Variants in ELAVL1 observed in about 807,000 individuals in gnomAD.
The protein encoded by ELAVL1 is ELAV-like protein 1.
In ELAVL1, 1 loss-of-function variant was observed where a neutral mutation model predicts 28.4. That is an observed-to-expected ratio of 0.04 (90% confidence interval 0.01 to 0.17). The LOEUF is 0.17. Ranked by LOEUF, ELAVL1 falls within the 10% of genes least tolerant of loss-of-function variation. ELAVL1 has a pLI of 1.00. For missense variants in ELAVL1, 157 were observed against 447.2 expected (o/e 0.35, Z 5.85); for synonymous variants, 174 against 183.5 (o/e 0.95, Z 0.42).
intron 2 of ELAVL1, among the ~76,000 whole-genome samples, chr19:7,983,141 C>T (rs1274369412): frequency 6.6e-6 from 1 of 152,168 alleles, no homozygotes; most frequent in Non-Finnish European, 1.5e-5. Flanking sequence ...CGCTCTCTTT[C>T]CTAAAGAACA....
rs1984740969 is a variant in ELAVL1, at chr19:7,959,319, C to T, written c.*4164G>A. The stretch of plus-strand genomic sequence containing the variant: ...TAAAACAAATCAATAACTTAAAACA[C>T]ACTAATATACAAAAGGTCTAACCAT... On this transcript the variant is annotated 3_prime_UTR_variant, in exon 6 of 6. Transcript: ENST00000407627. 6.6e-6 allele frequency: 1 copy of T among 152,486 alleles called. No individual in the cohort carries two copies. The highest frequency in any genetic ancestry group is 1.5e-5 in the Non-Finnish European group (1 of 68,022). The allele number at this position is 152,486 out of a possible 1,614,324, so 9.4% of individuals were successfully genotyped here. A position where few individuals can be genotyped will look rare whatever the true frequency, so the allele number is the denominator to read the frequency against.
intron 4 of ELAVL1, among the ~76,000 whole-genome samples, chr19:7,968,408 G>A (rs1384805806): frequency 1.3e-5 from 2 of 152,234 alleles, no homozygotes; most frequent in Non-Finnish European, 2.9e-5. Flanking sequence ...CCTCACTCCT[G>A]TCTTGGGATA....
chr19:7,989,226 G>A (rs574089954), intron 2 of ELAVL1, among the ~76,000 whole-genome samples: 254 of 152,274 alleles, frequency 1.7e-3, no homozygotes, highest in African/African-American at 5.6e-3. Flanking sequence ...CCACACTGGC[G>A]GCAGGCTGAG....
intron 1 of ELAVL1, among the ~76,000 whole-genome samples, chr19:7,997,843 C>T (rs973746684): frequency 7.2e-5 from 11 of 151,868 alleles, no homozygotes; most frequent in African/African-American, 2.4e-4. Flanking sequence ...CCCAGCTAAT[C>T]GGGGGGCTCA....
intron 1 of ELAVL1, among the ~76,000 whole-genome samples, chr19:7,993,141 T>C (rs1018048471): frequency 7.2e-5 from 11 of 152,172 alleles, no homozygotes; most frequent in African/African-American, 2.7e-4. Context: ...TTCTCCACAA[T>C]TTTTCTGTAA....
Position 7,979,734 on chromosome 19 carries a change from C to T in ELAVL1, c.276+1349G>A, listed in dbSNP as rs1985401721. ...AGGAGGCAGGAGTGGCGCGCCTGCC[C>T]TCAGGGAGCCCACTGCACACCACGT... On this transcript the variant is annotated intron_variant, in intron 3 of 5. Coordinates refer to ENST00000407627, the MANE Select transcript of ELAVL1 (RefSeq NM_001419.3). The surrounding 1 kb of genome is among the most constrained non-coding windows in gnomAD (Gnocchi z 5.4). Among the ~76,000 whole-genome samples the T allele has an allele frequency of 2.0e-5, 3 of 152,220 alleles. No homozygotes were observed. Among genetic ancestry groups the T allele is most frequent in the Admixed American group, 1.3e-4 (2 of 15,278 alleles).
chr19:7,991,087 C>A (rs1021217997), intron 2 of ELAVL1, among the ~76,000 whole-genome samples: 1 of 152,196 alleles, frequency 6.6e-6, no homozygotes, highest in African/African-American at 2.4e-5. Context: ...CAGGCTCCTG[C>A]CCCTCTGAGA....
intron 2 of ELAVL1, among the ~76,000 whole-genome samples, chr19:7,983,430 G>A (rs765293640): frequency 6.6e-6 from 1 of 152,152 alleles, no homozygotes; most frequent in African/African-American, 2.4e-5. Flanking sequence ...ACGTACAAGC[G>A]AATACCCACT....
intron 3 of ELAVL1, among the ~76,000 whole-genome samples, chr19:7,975,026 G>C (rs528413143): frequency 6.6e-6 from 1 of 152,176 alleles, no homozygotes; most frequent in Non-Finnish European, 1.5e-5. Context: ...AATCGAGGGA[G>C]CATGTCACTA....
rs1984867714 is a variant in ELAVL1 at position 7,963,492 on chromosome 19, G to C, written c.972C>G (p.Ser324=). The change falls in exon 6 of 6, where the codon TCC becomes TCG. Residue 324 remains serine, a synonymous_variant. Transcript: ENST00000407627. The surrounding 1 kb of genome is among the most constrained non-coding windows in gnomAD (Gnocchi z 4.5). ...ILQVSFKTNK[S]HK is the part of the protein sequence containing the mutation. ...AAAAAGCATGAGCGAGTTATTTGTG[G>C]GACTTGTTGGTTTTGAAGGAAACCT... 6.2e-7 allele frequency: 1 copy of C among 1,603,862 alleles called. No homozygotes were observed. Among genetic ancestry groups the C allele is most frequent in the Non-Finnish European group, 8.5e-7 (1 of 1,172,118 alleles).
intron 5 of ELAVL1, among the ~76,000 whole-genome samples, chr19:7,966,025 G>A (rs1033512457): frequency 3.3e-5 from 5 of 152,096 alleles, no homozygotes; most frequent in East Asian, 1.9e-4. Flanking sequence ...ACTGGGCAGC[G>A]CCCACCCAGC....
chr19:7,968,236 G>A (rs1985006788), intron 4 of ELAVL1, among the ~76,000 whole-genome samples: 1 of 152,180 alleles, frequency 6.6e-6, no homozygotes. Flanking sequence ...TGGGCTCAGG[G>A]GCCACTCTCC....
chr19:7,988,905 G>T (rs1489751140), intron 2 of ELAVL1, among the ~76,000 whole-genome samples: 3 of 152,236 alleles, frequency 2.0e-5, no homozygotes, highest in African/African-American at 7.2e-5. Context: ...GCCGGGAAGG[G>T]AAGGGAAGGG....
At chr19:7,990,088 T>C (rs2085214678) in intron 2 of ELAVL1, among the ~76,000 whole-genome samples, 1 of 152,220 alleles carries the variant, frequency 6.6e-6, no homozygotes, top group South Asian at 2.1e-4. Context: ...AGTGGCACAA[T>C]CTCAGCTCAT....
At chr19:7,978,675 G>A (rs1401442498) in intron 3 of ELAVL1, among the ~76,000 whole-genome samples, 2 of 152,164 alleles carry the variant, frequency 1.3e-5, no homozygotes, top group African/African-American at 4.8e-5. Context: ...TCATTCTAGT[G>A]AGTCATGCAC....
chr19:7,987,865 C>G (rs1038048990), intron 2 of ELAVL1, among the ~76,000 whole-genome samples: 1 of 152,214 alleles, frequency 6.6e-6, no homozygotes, highest in East Asian at 1.9e-4. Context: ...TAGGAACCCA[C>G]AGCGGAGCAT....
intron 4 of ELAVL1, among the ~76,000 whole-genome samples, chr19:7,969,556 C>T (rs1208711414): frequency 6.6e-6 from 1 of 152,170 alleles, no homozygotes; most frequent in Non-Finnish European, 1.5e-5. Context: ...AGAAGGAACA[C>T]CTGAAAACAC....
rs541269382 is a variant in ELAVL1, at chr19:7,999,862, C to T, written c.-17+5633G>A. Among the ~76,000 whole-genome samples the T allele has an allele frequency of 3.3e-5, 5 of 152,232 alleles. No individual in the cohort carries two copies. The South Asian group carries it at 6.2e-4, about 19-fold the overall frequency. ...TGCGATCTTGGCTCACTGCAACCTCCGCCTCCTAGGTTCAAGTGATTCTCC... is the reference window on the plus strand; with the variant it reads ...TGCGATCTTGGCTCACTGCAACCTCTGCCTCCTAGGTTCAAGTGATTCTCC... On this transcript the variant is annotated intron_variant, in intron 1 of 5. Transcript: ENST00000407627.
At chr19:7,985,318 T>G (rs1227325231) in intron 2 of ELAVL1, among the ~76,000 whole-genome samples, 3 of 152,186 alleles carry the variant, frequency 2.0e-5, no homozygotes, top group Non-Finnish European at 4.4e-5. Context: ...AGAGGAGAAG[T>G]GCAAACGGGC....
Sources: allele counts gnomAD v4.1 joint callset (sites outside exome capture counted in the v4.1 genomes callset), GRCh38; gene constraint gnomAD v4.1.1; non-coding constraint Gnocchi (gnomAD v3.1); transcripts MANE v1.5; gene names NCBI Gene and HGNC (gene_info 2026-07-23, HGNC 2026-07-21).